Variants in LAMB1 observed in about 807,000 individuals in gnomAD.
LAMB1 encodes the protein laminin subunit beta 1.
In LAMB1, 121 loss-of-function variants were observed where a neutral mutation model predicts 222.3. The ratio of observed to expected loss-of-function variants is 0.54; its 90% CI spans 0.47 to 0.63. The LOEUF (loss-of-function observed/expected upper bound fraction) is 0.63. Among genes scored for constraint, LAMB1 ranks in the 30% least tolerant of loss-of-function variants. The pLI, the probability that LAMB1 is intolerant of heterozygous loss-of-function variation, is 0.00. For synonymous variants in LAMB1, 794 were observed against 807.2 expected (o/e 0.98, Z 0.28); for missense variants, 2,172 against 2,240.8 (o/e 0.97, Z 0.62).
chr7:107,937,059 T>G, intron 26 of LAMB1, 34 bp downstream of exon 26: 1 of 1,550,394 alleles, frequency 6.4e-7, no homozygotes, highest in Non-Finnish European at 8.9e-7. Context: ...GTTAAATCCA[T>G]TGTCTGGGAC....
At chr7:107,943,554 G>T (rs1562981160) in intron 24 of LAMB1, among the ~76,000 whole-genome samples, 1 of 152,024 alleles carries the variant, frequency 6.6e-6, no homozygotes, top group Admixed American at 6.6e-5. Flanking sequence ...AGTCACCTGG[G>T]TCCTCACCTC....
Position 107,955,633 on chromosome 7 carries a change from G to A in LAMB1, c.2691-3C>T. 1.2e-6 allele frequency: 2 copies of A among 1,610,118 alleles called. No homozygotes were observed. Among genetic ancestry groups the A allele is most frequent in the Non-Finnish European group, 1.7e-6 (2 of 1,178,154 alleles). ...CGCCATAGTAACCAGCCAAGCACCT[G>A]CATCAGTCACAGAAGAGAACAGGCC... On this transcript the variant is annotated splice_region_variant and splice_polypyrimidine_tract_variant and intron_variant, in intron 20 of 33. Coordinates refer to ENST00000222399, the MANE Select transcript of LAMB1 (RefSeq NM_002291.3).
intron 5 of LAMB1, among the ~76,000 whole-genome samples, chr7:107,987,978 G>C (rs2034111299): frequency 1.3e-5 from 2 of 152,200 alleles, no homozygotes; most frequent in Admixed American, 1.3e-4. Context: ...TGATCAGATT[G>C]CACTTTAGAA....
At chr7:107,954,571 G>C (rs545749228) in intron 21 of LAMB1, among the ~76,000 whole-genome samples, 1 of 152,036 alleles carries the variant, frequency 6.6e-6, no homozygotes, top group Non-Finnish European at 1.5e-5. Flanking sequence ...TCAGGAGATC[G>C]AGACCATCCT....
chr7:107,937,963 G>C (rs2032887116), intron 25 of LAMB1, among the ~76,000 whole-genome samples: 1 of 152,160 alleles, frequency 6.6e-6, no homozygotes, highest in Non-Finnish European at 1.5e-5. Context: ...CCGTACTTTT[G>C]ACATCTATTT....
Position 107,975,678 on chromosome 7 carries a change from T to G in LAMB1, c.1189+11A>C. 1 of 1,604,678 alleles carries G rather than the reference T, an allele frequency of 6.2e-7. No individual in the cohort carries two copies. The highest frequency in any genetic ancestry group is 1.1e-5 in the South Asian group (1 of 90,114). On this transcript the variant is annotated intron_variant, in intron 10 of 33. Coordinates refer to ENST00000222399, the MANE Select transcript of LAMB1 (RefSeq NM_002291.3). ...TAGGTCCCACACAGTGAGTGACATT[T>G]CTCAACATACGTTCACAGAAATTAG...
In LAMB1 at chr7:107,951,279, G is replaced by A. The variant is rs751719356; in HGVS notation, c.3338C>T (p.Thr1113Ile). The A allele has an allele frequency of 9.3e-6, 15 of 1,614,044 alleles. 1 individual carries two copies. The South Asian group carries it at 1.3e-4, about 14-fold the overall frequency. The change falls in exon 24 of 34, where the codon ACC (threonine) becomes ATC (isoleucine). Residue 1113 changes from threonine to isoleucine, a missense_variant. Thr to Ile is a moderately conservative substitution (Grantham distance 89). Coordinates refer to ENST00000222399, the MANE Select transcript of LAMB1 (RefSeq NM_002291.3). ...CQCMPGFGGR[T>I]CSECQELFWG... is the part of the protein sequence containing the mutation. ...GAAGAGTTCCTGGCACTCGCTGCAGGTGCGGCCTCCAAACCCAGGCATGCA... is the reference window on the plus strand; with the variant it reads ...GAAGAGTTCCTGGCACTCGCTGCAGATGCGGCCTCCAAACCCAGGCATGCA...
At chr7:107,999,333 C>T (rs1054346849) in intron 3 of LAMB1, among the ~76,000 whole-genome samples, 22 of 152,314 alleles carry the variant, frequency 1.4e-4, no homozygotes, top group African/African-American at 5.1e-4. Flanking sequence ...AGTTCTCTTT[C>T]CACAAGGAGC....
At chr7:107,945,744 C>G (rs1268377179) in intron 24 of LAMB1, among the ~76,000 whole-genome samples, 1 of 152,188 alleles carries the variant, frequency 6.6e-6, no homozygotes, top group East Asian at 1.9e-4. Context: ...CCCATAGGTT[C>G]TTTGTTGCAA....
intron 13 of LAMB1, among the ~76,000 whole-genome samples, chr7:107,965,556 G>C (rs552454972): frequency 6.6e-6 from 1 of 152,182 alleles, no homozygotes; most frequent in Non-Finnish European, 1.5e-5. Context: ...TCCAGCCTGG[G>C]CAACAAGAGT....
At chr7:108,001,804 CG>C in intron 2 of LAMB1, 71 bp from the exon 3 acceptor site, 1 of 1,573,998 alleles carries the variant, frequency 6.4e-7, no homozygotes, top group Non-Finnish European at 8.6e-7. Context: ...AACGAACAAG[CG>C]GGGGCGGGGG....
chr7:107,960,199 T>A (rs1348758212), intron 18 of LAMB1, among the ~76,000 whole-genome samples: 1 of 152,208 alleles, frequency 6.6e-6, no homozygotes, highest in Non-Finnish European at 1.5e-5. Flanking sequence ...TGGAAATGCT[T>A]TATCCTCATG....
Position 107,926,195 on chromosome 7 carries a change from T to A in LAMB1, c.5052A>T (p.Glu1684Asp), listed in dbSNP as rs770562900. ...AAGATTTACGTACCTTCTTAACATC[T>A]TCTGCACTTTGCTTCACAGTATATA... is the stretch of plus-strand genomic sequence containing the variant. ...KVVYTVKQSA[E>D]DVKKTLDGEL... is the part of the protein sequence containing the mutation. The change falls in exon 32 of 34, where the codon GAA becomes GAT. Residue 1684 changes from glutamate (E) to aspartate (D), a missense_variant. Physicochemically the swap from Glu to Asp is conservative, Grantham distance 45. Coordinates refer to ENST00000222399, the MANE Select transcript of LAMB1 (RefSeq NM_002291.3). 1.2e-6 allele frequency: 2 copies of A among 1,613,342 alleles called. No homozygotes were observed. The highest frequency in any genetic ancestry group is 1.3e-5 in the African/African-American group (1 of 74,904).
chr7:107,955,609 G>A lies in LAMB1; in HGVS notation c.2712C>T (p.Gly904=), dbSNP rs750676469. The change falls in exon 21 of 34, where the codon GGC becomes GGT. Residue 904 remains glycine (G), a synonymous_variant. Coordinates refer to ENST00000222399, the MANE Select transcript of LAMB1 (RefSeq NM_002291.3). ...GATCTCCTGACCCAATGATGGGGTC[G>A]CCATAGTAACCAGCCAAGCACCTGC... ...NCERCLAGYY[G]DPIIGSGDHC... is the part of the protein sequence containing the mutation. The A allele has an allele frequency of 5.5e-5, 89 of 1,613,036 alleles. No homozygotes were observed. The highest frequency in any genetic ancestry group is 7.2e-5 in the Non-Finnish European group (85 of 1,179,624).
intron 28 of LAMB1, 100 bp from the exon 29 acceptor site, chr7:107,931,600 A>T: frequency 8.9e-7 from 1 of 1,121,132 alleles, no homozygotes; most frequent in Non-Finnish European, 1.3e-6. Context: ...AAAACTATGT[A>T]CTTGGAATCA....
chr7:107,984,947 A>C (rs2034044854), intron 7 of LAMB1, among the ~76,000 whole-genome samples: 1 of 152,218 alleles, frequency 6.6e-6, no homozygotes, highest in Non-Finnish European at 1.5e-5. Context: ...TAATTATGGC[A>C]ATTGAGCTAC....
intron 21 of LAMB1, among the ~76,000 whole-genome samples, chr7:107,955,094 C>A (rs935825798): frequency 5.9e-5 from 9 of 152,142 alleles, no homozygotes; most frequent in African/African-American, 1.7e-4. Flanking sequence ...GATATTATTT[C>A]TTTCTTCTGA....
chr7:107,936,408 G>A (rs185840093), intron 26 of LAMB1: 1 of 152,242 alleles, frequency 6.6e-6, no homozygotes, highest in African/African-American at 2.4e-5. Context: ...GAGAGAAAAA[G>A]AAAGAAGTAT....
chr7:107,969,282 C>T (rs1306938489), intron 13 of LAMB1, among the ~76,000 whole-genome samples: 6 of 131,572 alleles, frequency 4.6e-5, no homozygotes, highest in Non-Finnish European at 7.7e-5. Context: ...AGCGAGACTC[C>T]GTCTCAAAAA....
Sources: gnomAD v4.1 joint callset for allele counts (sites outside exome capture counted in the v4.1 genomes callset) on GRCh38, gnomAD v4.1.1 for gene constraint, MANE v1.5 for transcripts, NCBI Gene and HGNC (gene_info 2026-07-23, HGNC 2026-07-21) for gene names.